The following CCDC172 variants were observed in gnomAD, a reference collection of about 807,000 sequenced individuals.
The protein encoded by CCDC172 is coiled-coil domain containing 172.
In CCDC172, 30 loss-of-function variants were observed where a neutral mutation model predicts 38.0. The observed-to-expected ratio is 0.79, with a 90% CI of 0.59 to 1.07. CCDC172 has a LOEUF of 1.07. Among genes scored for constraint, CCDC172 ranks in the 50% least tolerant of loss-of-function variants. The probability of loss-of-function intolerance (pLI) is 0.00; values close to 1 mark genes in which losing one functional copy is unlikely to be tolerated. For synonymous variants in CCDC172, 78 were observed against 88.3 expected (o/e 0.88, Z 0.66); for missense variants, 297 against 290.1 (o/e 1.02, Z -0.17).
chr10:116,335,134 T>G (rs1027845770), intron 3 of CCDC172, among the ~76,000 whole-genome samples: 2 of 152,086 alleles, frequency 1.3e-5, no homozygotes, highest in African/African-American at 4.8e-5. Flanking sequence ...GAATCCATTC[T>G]AGGCTTGGGA....
In CCDC172 at chr10:116,342,452, C is replaced by G. The variant is rs534403525; in HGVS notation, c.448+251C>G. ...TATCTGTTATGTGATAGGCACTGTT[C>G]TAGGTCTTGAAGATATAACAATAAA... On this transcript the variant is annotated intron_variant, in intron 5 of 8. Coordinates refer to ENST00000333254, the MANE Select transcript of CCDC172 (RefSeq NM_198515.3). Among the ~76,000 whole-genome samples the G allele has an allele frequency of 2.9e-4, 44 of 152,156 alleles. 1 individual carries two copies. The highest frequency in any genetic ancestry group is 9.9e-4 in the African/African-American group (41 of 41,518).
intron 7 of CCDC172, among the ~76,000 whole-genome samples, chr10:116,369,896 C>T (rs1433249677): frequency 6.6e-6 from 1 of 151,742 alleles, no homozygotes; most frequent in Non-Finnish European, 1.5e-5. Flanking sequence ...TGAAGTTTTG[C>T]CAGTGTGATA....
intron 5 of CCDC172, among the ~76,000 whole-genome samples, chr10:116,344,329 A>G (rs1406426443): frequency 1.3e-5 from 2 of 152,222 alleles, no homozygotes; most frequent in East Asian, 1.9e-4. Flanking sequence ...CACCTGGGCT[A>G]TATGGTATAG....
intron 4 of CCDC172, 35 bp downstream of exon 4, chr10:116,340,885 C>A (rs1474423501): frequency 1.8e-6 from 2 of 1,093,628 alleles, no homozygotes; most frequent in Non-Finnish European, 2.8e-6. Flanking sequence ...ATCTATTTCA[C>A]TAATATGTAA....
At chr10:116,368,985 A>G (rs55969555) in intron 7 of CCDC172, among the ~76,000 whole-genome samples, 18,284 of 149,444 alleles carry the variant, frequency 0.12, 1,644 homozygotes, top group African/African-American at 0.26. Flanking sequence ...TAGAATTACT[A>G]GCCATGTACC....
chr10:116,349,420 T>A (rs1352758915), intron 5 of CCDC172, among the ~76,000 whole-genome samples: 1 of 152,192 alleles, frequency 6.6e-6, no homozygotes, highest in Non-Finnish European at 1.5e-5. Context: ...TTTTTCATTC[T>A]TCTGATCTCA....
intron 7 of CCDC172, among the ~76,000 whole-genome samples, chr10:116,374,033 A>T (rs1845216342): frequency 6.6e-6 from 1 of 151,924 alleles, no homozygotes; most frequent in South Asian, 2.1e-4. Context: ...AGCATGATAA[A>T]CTCCTGGGCA....
intron 7 of CCDC172, among the ~76,000 whole-genome samples, chr10:116,360,328 T>C (rs1377382604): frequency 6.6e-6 from 1 of 152,174 alleles, no homozygotes; most frequent in African/African-American, 2.4e-5. Context: ...CCCCCACTTA[T>C]GGTTCATCTT....
At chr10:116,328,139 T>G (rs756543623) in intron 3 of CCDC172, among the ~76,000 whole-genome samples, 5 of 152,098 alleles carry the variant, frequency 3.3e-5, no homozygotes, top group African/African-American at 1.2e-4. Context: ...TTTTCTTTTA[T>G]GTAAAACCCG....
intron 7 of CCDC172, among the ~76,000 whole-genome samples, chr10:116,361,509 G>A (rs1421689071): frequency 2.6e-5 from 4 of 152,166 alleles, no homozygotes; most frequent in Admixed American, 2.6e-4. Flanking sequence ...AATCTGCATA[G>A]GCAACAGCAT....
At chr10:116,366,196 G>A (rs1266710356) in intron 7 of CCDC172, among the ~76,000 whole-genome samples, 1 of 151,992 alleles carries the variant, frequency 6.6e-6, no homozygotes, top group Non-Finnish European at 1.5e-5. Context: ...CTAAATATGA[G>A]CTAAAAATAA....
At chr10:116,378,400 G>A in intron 7 of CCDC172, 23 bp from the exon 8 acceptor site, 1 of 1,568,662 alleles carries the variant, frequency 6.4e-7, no homozygotes, top group Non-Finnish European at 8.6e-7. Flanking sequence ...TAAACTAACA[G>A]GTGAAATTTT....
intron 5 of CCDC172, 68 bp downstream of exon 5, chr10:116,342,269 T>G (rs1844805696): frequency 7.0e-7 from 1 of 1,432,470 alleles, no homozygotes. Context: ...GAATGAATTT[T>G]CCAAAAATTT....
At chr10:116,352,865 A>C (rs1844947709) in intron 5 of CCDC172, among the ~76,000 whole-genome samples, 1 of 152,134 alleles carries the variant, frequency 6.6e-6, no homozygotes, top group African/African-American at 2.4e-5. Context: ...TCTCGTATAT[A>C]GAAAACCTAA....
chr10:116,335,124 G>A (rs975875227), intron 3 of CCDC172, among the ~76,000 whole-genome samples: 42 of 151,938 alleles, frequency 2.8e-4, no homozygotes, highest in African/African-American at 9.6e-4. Flanking sequence ...GTTTGTTTCC[G>A]AATCCATTCT....
intron 3 of CCDC172, among the ~76,000 whole-genome samples, chr10:116,331,142 A>G (rs184719420): frequency 6.6e-6 from 1 of 152,310 alleles, no homozygotes; most frequent in East Asian, 1.9e-4. Context: ...ATTTTTCAAT[A>G]CAAATGTGGT....
At position 116,379,344 on chromosome 10, in the gene CCDC172, C is replaced by T. The variant is rs1192519232; in HGVS notation, c.763C>T (p.Gln255Ter). ...LELTLAQKDL[Q>*]ESK ...TCAGACATTGGCACAGAAAGATCTT[C>T]AGGAAAGCAAATAACTTACAGAGAA... The change falls in exon 9 of 9, where the codon CAG (glutamine) becomes TAG (stop). Residue 255 changes from glutamine to a stop codon, truncating the protein, a stop_gained. Transcript: ENST00000333254. LOFTEE classifies it high-confidence loss of function. The T allele has an allele frequency of 6.3e-7, 1 of 1,583,178 alleles. No individual in the cohort carries two copies. Among genetic ancestry groups the T allele is most frequent in the Admixed American group, 1.8e-5 (1 of 54,506 alleles).
intron 5 of CCDC172, among the ~76,000 whole-genome samples, chr10:116,348,862 A>G (rs1844897982): frequency 6.6e-6 from 1 of 151,788 alleles, no homozygotes; most frequent in Non-Finnish European, 1.5e-5. Flanking sequence ...TACTTTTTTA[A>G]TCCTTTATCT....
intron 7 of CCDC172, among the ~76,000 whole-genome samples, chr10:116,371,580 T>C (rs1175997374): frequency 6.6e-6 from 1 of 152,086 alleles, no homozygotes; most frequent in East Asian, 1.9e-4. Context: ...TTTCCTTATA[T>C]CTTCATAATT....
Sources: allele counts gnomAD v4.1 joint callset (sites outside exome capture counted in the v4.1 genomes callset), GRCh38; gene constraint gnomAD v4.1.1; transcripts MANE v1.5; gene names NCBI Gene and HGNC (gene_info 2026-07-23, HGNC 2026-07-21).